Variants in ECEL1 observed in about 807,000 individuals in gnomAD.
ECEL1 encodes endothelin converting enzyme like 1.
In ECEL1, 87 loss-of-function variants were observed where a neutral mutation model predicts 101.8. That is an observed-to-expected ratio of 0.85 (90% confidence interval 0.72 to 1.02). The LOEUF (loss-of-function observed/expected upper bound fraction) is 1.02, where lower values mean the gene tolerates loss of function less well. ECEL1 is among the 50% of genes least tolerant of loss of function. The pLI, the probability that ECEL1 is intolerant of heterozygous loss-of-function variation, is 0.00. For missense variants in ECEL1, 1,032 were observed against 1,079.2 expected, an observed-to-expected ratio of 0.96 and a Z score of 0.61; for synonymous variants, 487 against 468.7, an observed-to-expected ratio of 1.04 and a Z score of -0.50.
chr2:232,485,115 CCAGGGA>C, intron 3 of ECEL1, 24 bp from the exon 4 acceptor site: 1 of 1,611,474 alleles, frequency 6.2e-7, no homozygotes, highest in Non-Finnish European at 8.5e-7. Context: ...GGGGGCTCAC[CCAGGGA>C]CAGGGACAGG....
intron 8 of ECEL1, 67 bp from the exon 9 acceptor site, chr2:232,483,246 C>T: frequency 2.0e-6 from 3 of 1,489,872 alleles, no homozygotes; most frequent in South Asian, 1.2e-5. Context: ...CCCCACCCTA[C>T]CCACCAAGGA....
chr2:232,484,708 G>C, intron 5 of ECEL1, 93 bp downstream of exon 5: 1 of 1,603,178 alleles, frequency 6.2e-7, no homozygotes, highest in Non-Finnish European at 8.5e-7. Context: ...GCCAAGGAAC[G>C]GTTTGCCCAT....
rs1379601348 is a variant in ECEL1 at position 232,486,375 on chromosome 2, G to T, written c.279C>A (p.Gly93=). ...KYLGPVAAGG[G]ACPEGCPERK... ...GCTCAGGGCAGCCCTCGGGACAGGCGCCGCCGCCGGCCGCGACCGGGCCCA... is the reference window on the plus strand; with the variant it reads ...GCTCAGGGCAGCCCTCGGGACAGGCTCCGCCGCCGGCCGCGACCGGGCCCA... The change falls in exon 2 of 18, where the codon GGC becomes GGA. Residue 93 remains glycine (G), a synonymous_variant. Coordinates refer to ENST00000304546, the MANE Select transcript of ECEL1 (RefSeq NM_004826.4). The T allele has an allele frequency of 6.7e-7, 1 of 1,485,284 alleles. No individual in the cohort carries two copies. Among genetic ancestry groups the T allele is most frequent in the African/African-American group, 1.5e-5 (1 of 68,006 alleles). The allele number at this position is 1,485,284 out of a possible 1,614,324, so 92.0% of individuals were successfully genotyped here.
chr2:232,487,534 CCCGGCGCCGT>C (rs1378122458), intron 1 of ECEL1, among the ~76,000 whole-genome samples, 175 bp downstream of exon 1: 1 of 152,014 alleles, frequency 6.6e-6, no homozygotes, highest in Non-Finnish European at 1.5e-5. Context: ...ACCCCCGAGC[CCCGGCGCCGT>C]GCGGCGCAGT....
chr2:232,484,291 C>T (rs535555850), intron 6 of ECEL1, 68 bp from the exon 7 acceptor site: 2 of 1,573,216 alleles, frequency 1.3e-6, no homozygotes, highest in Non-Finnish European at 1.7e-6. Context: ...GGCACCACCC[C>T]TACCTGTGCC....
Position 232,480,801 on chromosome 2 carries a change from A to T in ECEL1, c.2068T>A (p.Trp690Arg). 1 of 1,613,426 alleles carries T rather than the reference A, an allele frequency of 6.2e-7. No individual in the cohort carries two copies. The highest frequency in any genetic ancestry group is 8.5e-7 in the Non-Finnish European group (1 of 1,179,724). ...LKLAYHAYQK[W>R]VREHGPEHPL... ...TGCTCTGGGCCGTGCTCCCGCACCCACTTCTGATAGGCCTGGGGACACAGA... is the reference window on the plus strand; with the variant it reads ...TGCTCTGGGCCGTGCTCCCGCACCCTCTTCTGATAGGCCTGGGGACACAGA... The change falls in exon 16 of 18, where the codon TGG becomes AGG. Residue 690 changes from tryptophan (W) to arginine (R), a missense_variant. Trp to Arg is a moderately radical substitution (Grantham distance 101). Coordinates refer to ENST00000304546, the MANE Select transcript of ECEL1 (RefSeq NM_004826.4).
At chr2:232,483,889 G>C (rs1690649525) in intron 7 of ECEL1, 112 bp downstream of exon 7, 1 of 1,198,494 alleles carries the variant, frequency 8.3e-7, no homozygotes, top group South Asian at 1.5e-5. Context: ...GCAGGGCCTG[G>C]TCCCCCTGCC....
At chr2:232,482,351 C>T in intron 12 of ECEL1, 67 bp downstream of exon 12, 1 of 1,607,672 alleles carries the variant, frequency 6.2e-7, no homozygotes, top group Non-Finnish European at 8.5e-7. Context: ...CCGACACACA[C>T]CTGGTAGACA....
chr2:232,487,383 T>C (rs1176549247), intron 1 of ECEL1, among the ~76,000 whole-genome samples: 1 of 152,032 alleles, frequency 6.6e-6, no homozygotes, highest in Non-Finnish European at 1.5e-5. Flanking sequence ...ACGGCCCTGA[T>C]GGAGAACCCG....
chr2:232,484,982 T>C lies in ECEL1; in HGVS notation c.965A>G (p.Asn322Ser). 2 of 1,613,174 alleles carry C rather than the reference T, an allele frequency of 1.2e-6. No homozygotes were observed. The highest frequency in any genetic ancestry group is 2.2e-5 in the East Asian group (1 of 44,890). Reference protein sequence around the residue: ...EILQVEQQLANITVSEHDDLR... With the variant: ...EILQVEQQLASITVSEHDDLR... The stretch of plus-strand genomic sequence containing the variant: ...AGCCTCCAGTCCTGGTCTGCTCACG[T>C]TGGCCAGCTGCTGCTCCACTTGCAG... The change falls in exon 4 of 18, where the codon AAC (asparagine) becomes AGC (serine). Residue 322 changes from asparagine to serine, a missense_variant and splice_region_variant. By Grantham distance (46) the Asn-to-Ser change is conservative. Transcript: ENST00000304546.
rs1690607351 is a variant in ECEL1, at chr2:232,482,563, G to T, written c.1731C>A (p.Asn577Lys). 6.8e-6 allele frequency: 11 copies of T among 1,613,864 alleles called. No homozygotes were observed. The highest frequency in any genetic ancestry group is 8.5e-6 in the Non-Finnish European group (10 of 1,179,990). ...ACATCCCCTTACCCATCTGGTTCTT[G>T]TTGGGTAGATAGTAGGCATTGAGCG... is the stretch of plus-strand genomic sequence containing the variant. Reference protein sequence around the residue: ...PQALNAYYLPNKNQMVFPAGI... With the variant: ...PQALNAYYLPKKNQMVFPAGI... The change falls in exon 11 of 18, where the codon AAC becomes AAA. Residue 577 changes from asparagine (N) to lysine (K), a missense_variant. By Grantham distance (94) the Asn-to-Lys change is moderately conservative (BLOSUM62 0). Transcript: ENST00000304546.
intron 7 of ECEL1, among the ~76,000 whole-genome samples, 157 bp from the exon 8 acceptor site, chr2:232,483,671 GC>G (rs756425818): frequency 1.3e-5 from 2 of 152,184 alleles, no homozygotes; most frequent in Admixed American, 6.5e-5. Context: ...TCCAGGCCCT[GC>G]ACCCCCGAGG....
In ECEL1 at chr2:232,486,620, C is replaced by T. The variant is rs913270326; in HGVS notation, c.34G>A (p.Asp12Asn). ...EPPYSLTAHY[D>N]EFQEVKYVSR... ...ACGTACTTGACCTCTTGGAACTCATCGTAGTGCGCCGTCAGCGAATACGGG... is the reference window on the plus strand; with the variant it reads ...ACGTACTTGACCTCTTGGAACTCATTGTAGTGCGCCGTCAGCGAATACGGG... Residue 12 changes from aspartate (D) to asparagine (N), a missense_variant, in exon 2 of 18, where the codon GAT (aspartate) becomes AAT (asparagine). Transcript: ENST00000304546. 12 of 1,525,702 alleles carry T rather than the reference C, an allele frequency of 7.9e-6. No homozygotes were observed. The highest frequency in any genetic ancestry group is 1.4e-5 in the African/African-American group (1 of 69,618). The allele number at this position is 1,525,702 out of a possible 1,614,324, so 94.5% of individuals were successfully genotyped here.
Position 232,485,076 on chromosome 2 carries a change from T to C in ECEL1, c.871A>G (p.Arg291Gly). 2 of 1,611,884 alleles carry C rather than the reference T, an allele frequency of 1.2e-6. No individual in the cohort carries two copies. The highest frequency in any genetic ancestry group is 1.7e-6 in the Non-Finnish European group (2 of 1,179,990). ...EDSEKILAAYRVFMERVLSLL... is the reference protein window; with the variant it reads ...EDSEKILAAYGVFMERVLSLL... Reference sequence around the variant, plus strand: ...CTGAGCACTCGCTCCATGAACACCCTGTATGCTGCCAGGATCTGCACCAGG... The same window carrying C: ...CTGAGCACTCGCTCCATGAACACCCCGTATGCTGCCAGGATCTGCACCAGG... The change falls in exon 4 of 18, where the codon AGG becomes GGG. Residue 291 changes from arginine (R) to glycine (G), a missense_variant. Coordinates refer to ENST00000304546, the MANE Select transcript of ECEL1 (RefSeq NM_004826.4).
chr2:232,481,973 C>A, intron 12 of ECEL1, 124 bp from the exon 13 acceptor site: 1 of 1,286,122 alleles, frequency 7.8e-7, no homozygotes, highest in African/African-American at 1.5e-5. Flanking sequence ...ACAGAGGCAT[C>A]CGTGCGGTCC....
Position 232,481,810 on chromosome 2 carries a change from A to G in ECEL1, c.1836T>C (p.His612=). The change falls in exon 13 of 18, where the codon CAT becomes CAC. Residue 612 remains histidine (H), a synonymous_variant. Coordinates refer to ENST00000304546, the MANE Select transcript of ECEL1 (RefSeq NM_004826.4). ...AGTCGTCGTAGCCGTGGGTCAGCTC[A>G]TGTCCAATGATGGTGCCGATGCCCC... ...NYGGIGTIIG[H]ELTHGYDDWG... 1.2e-6 allele frequency: 2 copies of G among 1,613,920 alleles called. No homozygotes were observed. The highest frequency in any genetic ancestry group is 2.2e-5 in the South Asian group (2 of 91,084).
chr2:232,482,443 T>C lies in ECEL1; in HGVS notation c.1771A>G (p.Thr591Ala), dbSNP rs967334276. 2.5e-6 allele frequency: 4 copies of C among 1,613,922 alleles called. No individual in the cohort carries two copies. The highest frequency in any genetic ancestry group is 3.4e-6 in the Non-Finnish European group (4 of 1,180,000). ...MVFPAGILQP[T>A]LYDPDFPQSL... ...TGTGGGAAGTCAGGGTCGTACAGGG[T>C]GGGCTGCAGGATGCCCGCGGGGAAC... The change falls in exon 12 of 18, where the codon ACC (threonine) becomes GCC (alanine). Residue 591 changes from threonine to alanine, a missense_variant. By Grantham distance (58) the Thr-to-Ala change is moderately conservative. Transcript: ENST00000304546.
Position 232,480,773 on chromosome 2 carries a change from G to A in ECEL1, c.2096C>T (p.Pro699Leu). The A allele has an allele frequency of 6.2e-7, 1 of 1,614,088 alleles. No individual in the cohort carries two copies. Among genetic ancestry groups the A allele is most frequent in the Non-Finnish European group, 8.5e-7 (1 of 1,180,002 alleles). The change falls in exon 16 of 18, where the codon CCA (proline) becomes CTA (leucine). Residue 699 changes from proline to leucine, a missense_variant. Coordinates refer to ENST00000304546, the MANE Select transcript of ECEL1 (RefSeq NM_004826.4). ...KWVREHGPEH[P>L]LPRLKYTHDQ... ...ATGTGTGTACTTGAGCCGGGGAAGT[G>A]GGTGCTCTGGGCCGTGCTCCCGCAC...
rs758831732 is a variant in ECEL1, at chr2:232,484,232, C to G, written c.1185-9G>C. 1.2e-6 allele frequency: 2 copies of G among 1,605,298 alleles called. No individual in the cohort carries two copies. Among genetic ancestry groups the G allele is most frequent in the Non-Finnish European group, 1.7e-6 (2 of 1,174,656 alleles). ...GGTAGTTGTGCAGGACCCTGGGGAC[C>G]AGGTGAAGCCAGTGGGTGTCCAGAC... is the stretch of plus-strand genomic sequence containing the variant. On this transcript the variant is annotated splice_polypyrimidine_tract_variant and intron_variant, in intron 6 of 17. Coordinates refer to ENST00000304546, the MANE Select transcript of ECEL1 (RefSeq NM_004826.4).
Sources: allele counts gnomAD v4.1 joint callset (sites outside exome capture counted in the v4.1 genomes callset), GRCh38; gene constraint gnomAD v4.1.1; transcripts MANE v1.5; gene names NCBI Gene and HGNC (gene_info 2026-07-23, HGNC 2026-07-21).